RTN4IP1: variants seen among roughly 807,000 people sequenced by gnomAD.
RTN4IP1 encodes NAD(P)H oxidoreductase RTN4IP1, mitochondrial.
Under a neutral mutation model 46.6 loss-of-function variants are expected in RTN4IP1, and 32 were observed. The ratio of observed to expected loss-of-function variants is 0.69; its 90% CI spans 0.52 to 0.92. The LOEUF (loss-of-function observed/expected upper bound fraction) is 0.92. RTN4IP1 is among the 40% of genes least tolerant of loss of function. RTN4IP1 has a pLI of 0.00. For missense variants in RTN4IP1, 424 were observed against 485.8 expected (o/e 0.87, Z 1.20); for synonymous variants, 167 against 161.8 (o/e 1.03, Z -0.24).
chr6:106,607,180 G>T (rs1172179085), intron 4 of RTN4IP1, among the ~76,000 whole-genome samples: 1 of 152,008 alleles, frequency 6.6e-6, no homozygotes, highest in Non-Finnish European at 1.5e-5. Flanking sequence ...AATGGTGCTG[G>T]GAAAATTGGA....
At chr6:106,580,145 C>A (rs533836378) in intron 8 of RTN4IP1, among the ~76,000 whole-genome samples, 3 of 143,800 alleles carry the variant, frequency 2.1e-5, no homozygotes, top group Non-Finnish European at 1.5e-5. Flanking sequence ...ACCCGGGAGG[C>A]GGAGCTTGCA....
chr6:106,595,788 G>A (rs966734425), intron 5 of RTN4IP1, among the ~76,000 whole-genome samples: 4 of 152,120 alleles, frequency 2.6e-5, no homozygotes, highest in Non-Finnish European at 4.4e-5. Context: ...ATGAGCCAAC[G>A]CGTCCAGCCT....
chr6:106,583,323 C>T lies in RTN4IP1; in HGVS notation c.1083+5G>A, dbSNP rs752214513. On this transcript the variant is annotated splice_donor_5th_base_variant and intron_variant, in intron 8 of 8. Coordinates refer to ENST00000369063, the MANE Select transcript of RTN4IP1 (RefSeq NM_032730.5). The stretch of plus-strand genomic sequence containing the variant: ...CTTCCAATCCAGGTTTCCAGGTGCA[C>T]GTACCTTTCCCGCATCCACCAGTTC... The T allele has an allele frequency of 9.3e-5, 150 of 1,611,344 alleles. 1 individual carries two copies. The highest frequency in any genetic ancestry group is 1.7e-4 in the Admixed American group (10 of 59,922).
At chr6:106,591,851 G>A (rs1374503619) in intron 6 of RTN4IP1, among the ~76,000 whole-genome samples, 1 of 152,162 alleles carries the variant, frequency 6.6e-6, no homozygotes, top group Non-Finnish European at 1.5e-5. Context: ...TGTGGTGACA[G>A]ATGCCACAGA....
At chr6:106,613,087 C>T (rs1211373745) in intron 4 of RTN4IP1, among the ~76,000 whole-genome samples, 1 of 152,092 alleles carries the variant, frequency 6.6e-6, no homozygotes, top group Non-Finnish European at 1.5e-5. Context: ...ATATGCTAAC[C>T]ACAATCAGTT....
chr6:106,601,056 T>A (rs765697343), intron 5 of RTN4IP1, among the ~76,000 whole-genome samples: 5 of 152,164 alleles, frequency 3.3e-5, no homozygotes, highest in Non-Finnish European at 7.3e-5. Context: ...CAGCAATGTA[T>A]GAGTGTTCTA....
chr6:106,625,665 T>TC (rs201843332), intron 1 of RTN4IP1, among the ~76,000 whole-genome samples: 9,895 of 142,450 alleles, frequency 0.069, 908 homozygotes, highest in African/African-American at 0.19. Context: ...TTTTTTCTTT[T>TC]TTTTTTTTTT....
At chr6:106,588,897 G>A (rs903389168) in intron 6 of RTN4IP1, among the ~76,000 whole-genome samples, 1 of 151,758 alleles carries the variant, frequency 6.6e-6, no homozygotes, top group Non-Finnish European at 1.5e-5. Flanking sequence ...GATCACCTGA[G>A]GTCAGGAGTT....
chr6:106,620,238 G>A (rs1776454292), intron 3 of RTN4IP1, among the ~76,000 whole-genome samples: 1 of 152,048 alleles, frequency 6.6e-6, no homozygotes, highest in Admixed American at 6.6e-5. Context: ...CCAAGTAGCT[G>A]GGACTACAGG....
intron 5 of RTN4IP1, among the ~76,000 whole-genome samples, chr6:106,600,696 GA>G (rs1775924583): frequency 6.6e-6 from 1 of 151,704 alleles, no homozygotes; most frequent in Admixed American, 6.6e-5. Flanking sequence ...TTTGTTTCTG[GA>G]TTTTTCTCAC....
In RTN4IP1 at chr6:106,587,785, G is replaced by A. The variant is rs1335006082; in HGVS notation, c.884C>T (p.Ala295Val). ...APDFLKKWSG[A>V]TYVTLVTPFL... ...AGGAGTCACCAAAGTCACATAGGTG[G>A]CTCCTGACCATTTCTTGAGAAAATC... Residue 295 changes from alanine to valine, a missense_variant, in exon 7 of 9, where the codon GCC (alanine) becomes GTC (valine). Ala to Val is a moderately conservative substitution (Grantham distance 64, BLOSUM62 0). Coordinates refer to ENST00000369063, the MANE Select transcript of RTN4IP1 (RefSeq NM_032730.5). The A allele has an allele frequency of 2.5e-6, 4 of 1,613,728 alleles. No homozygotes were observed. Among genetic ancestry groups the A allele is most frequent in the Admixed American group, 3.3e-5 (2 of 59,996 alleles).
chr6:106,611,035 C>G (rs962476), intron 4 of RTN4IP1, among the ~76,000 whole-genome samples: 103,078 of 150,570 alleles, frequency 0.68, 37,083 homozygotes, highest in Non-Finnish European at 0.81. Context: ...CGCCAACCCC[C>G]TTAGCTGCCT....
intron 8 of RTN4IP1, among the ~76,000 whole-genome samples, chr6:106,575,363 C>G (rs147597921): frequency 3.5e-4 from 53 of 152,320 alleles, no homozygotes; most frequent in African/African-American, 1.2e-3. Flanking sequence ...ATCCCTGATA[C>G]AAAGGCTGAA....
intron 4 of RTN4IP1, among the ~76,000 whole-genome samples, chr6:106,617,110 C>A (rs1196173924): frequency 6.6e-6 from 1 of 152,198 alleles, no homozygotes; most frequent in Non-Finnish European, 1.5e-5. Flanking sequence ...CCTCACCAGA[C>A]ACAAAACCTG....
At chr6:106,620,628 T>C (rs533375847) in intron 3 of RTN4IP1, among the ~76,000 whole-genome samples, 3 of 152,262 alleles carry the variant, frequency 2.0e-5, no homozygotes, top group African/African-American at 7.2e-5. Flanking sequence ...CCTTAATAAA[T>C]ATTGCATAGC....
chr6:106,623,090 T>C, intron 1 of RTN4IP1, 121 bp from the exon 2 acceptor site: 3 of 945,084 alleles, frequency 3.2e-6, no homozygotes, highest in South Asian at 3.2e-5. Flanking sequence ...AATCATTCCA[T>C]TACAAAGACA....
chr6:106,598,507 T>C (rs1392952034), intron 5 of RTN4IP1, among the ~76,000 whole-genome samples: 35 of 150,854 alleles, frequency 2.3e-4, no homozygotes, highest in Admixed American at 2.2e-3. Flanking sequence ...TTGAGAAGTG[T>C]CTGTTCATGT....
rs143562891 is a variant in RTN4IP1 at position 106,603,646 on chromosome 6, C to T, written c.621-724G>A. On this transcript the variant is annotated intron_variant, in intron 4 of 8. Coordinates refer to ENST00000369063, the MANE Select transcript of RTN4IP1 (RefSeq NM_032730.5). ...CCTAAAATAACATGTAAAATTTGTGCGATGATGCATATGCTTATTGACAAG... is the reference window on the plus strand; with the variant it reads ...CCTAAAATAACATGTAAAATTTGTGTGATGATGCATATGCTTATTGACAAG... Among the ~76,000 whole-genome samples the T allele has an allele frequency of 3.5e-4, 54 of 152,188 alleles. No individual in the cohort carries two copies. In the East Asian group the frequency reaches 8.9e-3, roughly 25 times the overall value.
Position 106,628,733 on chromosome 6 carries a change from C to T in RTN4IP1, c.274+15G>A, listed in dbSNP as rs536334020. On this transcript the variant is annotated intron_variant, in intron 1 of 8. Transcript: ENST00000369063. ...ATTTTTTTAAAAAAGGTAACAATGT[C>T]TTTTGAAAACTTACTTCTCATATTA... The T allele has an allele frequency of 2.5e-6, 4 of 1,588,818 alleles. No homozygotes were observed. Among genetic ancestry groups the T allele is most frequent in the Non-Finnish European group, 3.4e-6 (4 of 1,163,250 alleles).
Sources: gnomAD v4.1 joint callset for allele counts (sites outside exome capture counted in the v4.1 genomes callset) on GRCh38, gnomAD v4.1.1 for gene constraint, MANE v1.5 for transcripts, NCBI Gene and HGNC (gene_info 2026-07-23, HGNC 2026-07-21) for gene names.